ABRAXAS1: variants seen among roughly 807,000 people sequenced by gnomAD.
The protein encoded by ABRAXAS1 is BRCA1-A complex subunit Abraxas 1.
Under a neutral mutation model 38.4 loss-of-function variants are expected in ABRAXAS1, and 26 were observed. That is an observed-to-expected ratio of 0.68 (90% CI 0.50 to 0.94). The LOEUF is 0.94. Among genes scored for constraint, ABRAXAS1 ranks in the 40% least tolerant of loss-of-function variants. ABRAXAS1 has a pLI of 0.00. For synonymous variants in ABRAXAS1, 144 were observed against 165.5 expected (o/e 0.87, Z 1.00); for missense variants, 438 against 481.9 (o/e 0.91, Z 0.85).
At chr4:83,473,534 C>T (rs781410393) in intron 3 of ABRAXAS1, among the ~76,000 whole-genome samples, 1 of 152,004 alleles carries the variant, frequency 6.6e-6, no homozygotes, top group Non-Finnish European at 1.5e-5. Flanking sequence ...ACTGATATAA[C>T]ATGCAGAATT....
chr4:83,485,068 T>C lies in ABRAXAS1; in HGVS notation c.5A>G (p.Glu2Gly). M[E>G]GESTSAVLSG... is the part of the protein sequence containing the mutation. ...GAGCACCGCCGACGTACTCTCCCCC[T>C]CCATGCTACCGCCGCCTCAGGCTAC... Residue 2 changes from glutamate (E) to glycine (G), a missense_variant, in exon 1 of 9, where the codon GAG (glutamate) becomes GGG (glycine). Physicochemically the swap from Glu to Gly is moderately conservative, Grantham distance 98 (BLOSUM62 -2). Coordinates refer to ENST00000321945, the MANE Select transcript of ABRAXAS1 (RefSeq NM_139076.3). 6.3e-7 allele frequency: 1 copy of C among 1,587,102 alleles called. No individual in the cohort carries two copies. The highest frequency in any genetic ancestry group is 8.6e-7 in the Non-Finnish European group (1 of 1,167,150).
At chr4:83,463,640 A>C in intron 7 of ABRAXAS1, 32 bp from the exon 8 acceptor site, 1 of 1,324,758 alleles carries the variant, frequency 7.5e-7, no homozygotes, top group Non-Finnish European at 1.1e-6. Context: ...GGGCATAGGT[A>C]ATATTTCAAG....
intron 4 of ABRAXAS1, among the ~76,000 whole-genome samples, chr4:83,471,221 TTTGAG>T (rs1722580159): frequency 1.2e-4 from 12 of 103,168 alleles, no homozygotes; most frequent in South Asian, 6.7e-4. Context: ...TTTTTTTTTT[TTTGAG>T]ACAGTCTGGC....
Position 83,469,161 on chromosome 4 carries a change from TA to T in ABRAXAS1, c.477-11del. ...TACCCTGTGAAAAAGTCTGACAAAA[TA>T]AAACTTTAGAGTATAAACTTAGAAT... On this transcript the variant is annotated splice_polypyrimidine_tract_variant and intron_variant, in intron 5 of 8. Coordinates refer to ENST00000321945, the MANE Select transcript of ABRAXAS1 (RefSeq NM_139076.3). The T allele has an allele frequency of 6.2e-7, 1 of 1,612,076 alleles. No homozygotes were observed. Among genetic ancestry groups the T allele is most frequent in the Non-Finnish European group, 8.5e-7 (1 of 1,178,406 alleles).
chr4:83,470,071 T>A, intron 5 of ABRAXAS1, 132 bp downstream of exon 5: 1 of 605,702 alleles, frequency 1.7e-6, no homozygotes, highest in South Asian at 3.4e-5. Flanking sequence ...GATGGTAAGA[T>A]CTACTTCTGA....
chr4:83,465,969 C>T (rs1389944432), intron 7 of ABRAXAS1, among the ~76,000 whole-genome samples: 2 of 152,304 alleles, frequency 1.3e-5, no homozygotes, highest in South Asian at 4.1e-4. Context: ...CTGGGGGAAG[C>T]ATAGTTGACT....
At chr4:83,475,664 G>A (rs1722738646) in intron 3 of ABRAXAS1, among the ~76,000 whole-genome samples, 1 of 152,032 alleles carries the variant, frequency 6.6e-6, no homozygotes, top group Non-Finnish European at 1.5e-5. Flanking sequence ...GGCTGTTTGT[G>A]CTGATTTTTC....
chr4:83,469,154 G>T lies in ABRAXAS1; in HGVS notation c.477-3C>A. 1 of 1,612,464 alleles carries T rather than the reference G, an allele frequency of 6.2e-7. No individual in the cohort carries two copies. Among genetic ancestry groups the T allele is most frequent in the South Asian group, 1.1e-5 (1 of 91,022 alleles). On this transcript the variant is annotated splice_polypyrimidine_tract_variant and splice_region_variant and intron_variant, in intron 5 of 8. Transcript: ENST00000321945. The stretch of plus-strand genomic sequence containing the variant: ...CTAAAGGTACCCTGTGAAAAAGTCT[G>T]ACAAAATAAAACTTTAGAGTATAAA...
At chr4:83,472,072 T>G (rs536627413) in intron 4 of ABRAXAS1, 150 bp downstream of exon 4, 1 of 443,764 alleles carries the variant, frequency 2.3e-6, no homozygotes, top group South Asian at 3.9e-5. Flanking sequence ...CACTTTCAAT[T>G]TCTGGGAAGA....
intron 1 of ABRAXAS1, among the ~76,000 whole-genome samples, chr4:83,482,558 A>C (rs1723035775): frequency 6.6e-6 from 1 of 152,184 alleles, no homozygotes; most frequent in African/African-American, 2.4e-5. Flanking sequence ...AAAATACGAG[A>C]AACATTAGTT....
At chr4:83,463,990 AG>A (rs1722250760) in intron 7 of ABRAXAS1, 2 of 153,268 alleles carry the variant, frequency 1.3e-5, no homozygotes, top group African/African-American at 4.8e-5. Flanking sequence ...GTTCGAGACC[AG>A]CCTGGGCAAC....
intron 2 of ABRAXAS1, among the ~76,000 whole-genome samples, chr4:83,481,086 TGC>T (rs966366448): frequency 6.6e-6 from 1 of 151,436 alleles, no homozygotes; most frequent in African/African-American, 2.4e-5. Flanking sequence ...GAGCCGGGAT[TGC>T]GCCACTGCAC....
rs1185107450 is a variant in ABRAXAS1, at chr4:83,470,238, A to G, written c.441T>C (p.His147=). 6.2e-7 allele frequency: 1 copy of G among 1,613,668 alleles called. No individual in the cohort carries two copies. Among genetic ancestry groups the G allele is most frequent in the East Asian group, 2.2e-5 (1 of 44,840 alleles). ...GTTTATATAAGGAATGTTCCAGTCG[A>G]TGAGTAGAGCAGCTTTCTGTTATTA... The part of the protein sequence containing the change: ...PSIITESCST[H]RLEHSLYKPQ... The change falls in exon 5 of 9, where the codon CAT becomes CAC. Residue 147 remains histidine, a synonymous_variant. Coordinates refer to ENST00000321945, the MANE Select transcript of ABRAXAS1 (RefSeq NM_139076.3).
chr4:83,459,731 C>T lies in ABRAXAS1; in HGVS notation c.*2738G>A. The T allele has an allele frequency of 6.2e-7, 1 of 1,607,976 alleles. No homozygotes were observed. Among genetic ancestry groups the T allele is most frequent in the Non-Finnish European group, 8.5e-7 (1 of 1,177,114 alleles). ...TTTTTTTTCCCCTCCACATAAAACT[C>T]CAAAACAGCTTTTGTCCCAGTTTGT... On this transcript the variant is annotated 3_prime_UTR_variant, in exon 9 of 9. Transcript: ENST00000321945.
chr4:83,480,845 T>C (rs1451732986), intron 2 of ABRAXAS1, among the ~76,000 whole-genome samples: 2 of 152,068 alleles, frequency 1.3e-5, no homozygotes, highest in Admixed American at 6.6e-5. Context: ...AAAATAGTAT[T>C]GTAGGCCAGG....
Position 83,462,349 on chromosome 4 carries a change from A to T in ABRAXAS1, c.*120T>A. ...GAGTTATCTGTGTATTACTGCAAAC[A>T]GGTGAACATAGTAAAAACAAATGAA... On this transcript the variant is annotated 3_prime_UTR_variant, in exon 9 of 9. Transcript: ENST00000321945. 2.4e-6 allele frequency: 2 copies of T among 834,582 alleles called. No homozygotes were observed. Among genetic ancestry groups the T allele is most frequent in the Non-Finnish European group, 3.8e-6 (2 of 526,092 alleles). The allele number at this position is 834,582 out of a possible 1,614,324, so 51.7% of individuals were successfully genotyped here.
At chr4:83,469,911 T>C (rs1722517906) in intron 5 of ABRAXAS1, 1 of 218,124 alleles carries the variant, frequency 4.6e-6, no homozygotes, top group African/African-American at 2.3e-5. Context: ...TTCTAAATTA[T>C]ACCCTTTATC....
At chr4:83,471,189 ATCTTTTTTTTTTTT>A (rs1281328003) in intron 4 of ABRAXAS1, among the ~76,000 whole-genome samples, 8 of 124,100 alleles carry the variant, frequency 6.4e-5, no homozygotes, top group Non-Finnish European at 1.0e-4. Flanking sequence ...TGAAAGAAAC[ATCTTTTTTTTTTTT>A]TTTTTTTTTT....
chr4:83,484,247 G>C, intron 1 of ABRAXAS1: 2 of 977,950 alleles, frequency 2.0e-6, no homozygotes, highest in Non-Finnish European at 2.4e-6. Flanking sequence ...TTGTTCAGCA[G>C]GGTATTCTCC....
Sources: gnomAD v4.1 joint callset for allele counts (sites outside exome capture counted in the v4.1 genomes callset) on GRCh38, gnomAD v4.1.1 for gene constraint, MANE v1.5 for transcripts, NCBI Gene and HGNC (gene_info 2026-07-23, HGNC 2026-07-21) for gene names.